Variants in CPVL observed in about 807,000 individuals in gnomAD.
CPVL encodes the protein probable serine carboxypeptidase CPVL.
In CPVL, 51 loss-of-function variants were observed where a neutral mutation model predicts 63.7. The ratio of observed to expected loss-of-function variants is 0.80; its 90% CI spans 0.64 to 1.01. CPVL has a LOEUF of 1.01. CPVL is among the 50% of genes least tolerant of loss of function. The probability of loss-of-function intolerance (pLI) is 0.00; values close to 1 mark genes in which losing one functional copy is unlikely to be tolerated. For synonymous variants in CPVL, 195 were observed against 206.0 expected (o/e 0.95, Z 0.46); for missense variants, 530 against 573.1 (o/e 0.92, Z 0.77).
chr7:29,003,753 G>A (rs1784899694), intron 12 of CPVL, among the ~76,000 whole-genome samples: 1 of 152,172 alleles, frequency 6.6e-6, no homozygotes, highest in Non-Finnish European at 1.5e-5. Context: ...ACAGTGTTGG[G>A]GAGTGGGGGA....
intron 5 of CPVL, among the ~76,000 whole-genome samples, chr7:29,158,356 A>G (rs1445067254): frequency 1.3e-5 from 2 of 152,220 alleles, no homozygotes; most frequent in Admixed American, 6.5e-5. Flanking sequence ...TGTAGAGCAG[A>G]TTAAATCAGA....
At chr7:29,156,991 A>G (rs1301099900) in intron 5 of CPVL, among the ~76,000 whole-genome samples, 6 of 152,164 alleles carry the variant, frequency 3.9e-5, no homozygotes, top group Admixed American at 2.6e-4. Flanking sequence ...TCTTTTTCAC[A>G]CATTGGTCCA....
chr7:29,183,533 C>T (rs1798331384), intron 4 of CPVL, among the ~76,000 whole-genome samples: 1 of 151,308 alleles, frequency 6.6e-6, no homozygotes, highest in Non-Finnish European at 1.5e-5. Flanking sequence ...TGTGCCACCA[C>T]ACCTGGCTAA....
At chr7:29,136,796 C>T (rs1177225895) in intron 1 of CPVL, among the ~76,000 whole-genome samples, 1 of 152,116 alleles carries the variant, frequency 6.6e-6, no homozygotes, top group Non-Finnish European at 1.5e-5. Context: ...TAAACTTGTC[C>T]TTACTTCCCT....
At chr7:29,101,777 C>G (rs1018380929) in intron 3 of CPVL, among the ~76,000 whole-genome samples, 4 of 151,748 alleles carry the variant, frequency 2.6e-5, no homozygotes, top group Non-Finnish European at 5.9e-5. Context: ...CCAGATTTTT[C>G]TCTATGGTCC....
intron 1 of CPVL, among the ~76,000 whole-genome samples, chr7:29,129,636 T>A (rs904792090): frequency 6.6e-6 from 1 of 152,048 alleles, no homozygotes; most frequent in Non-Finnish European, 1.5e-5. Flanking sequence ...TCCTGGCTAA[T>A]TTTTTGCATT....
intron 12 of CPVL, among the ~76,000 whole-genome samples, chr7:29,001,809 A>G (rs1157097664): frequency 6.6e-6 from 1 of 152,202 alleles, no homozygotes; most frequent in African/African-American, 2.4e-5. Flanking sequence ...CCTTTACAAC[A>G]TCCCCAAGGG....
At chr7:29,046,803 G>A (rs556878493) in intron 11 of CPVL, among the ~76,000 whole-genome samples, 2 of 152,270 alleles carry the variant, frequency 1.3e-5, no homozygotes, top group South Asian at 4.1e-4. Context: ...CCTGGAGACT[G>A]TGGGTTGCAT....
chr7:29,163,057 C>T (rs986700348), intron 5 of CPVL, among the ~76,000 whole-genome samples: 5 of 152,106 alleles, frequency 3.3e-5, no homozygotes, highest in Admixed American at 1.3e-4. Flanking sequence ...TTATGTAAAA[C>T]GTTACCATGG....
chr7:29,173,384 G>A (rs1035939575), intron 5 of CPVL, among the ~76,000 whole-genome samples: 1 of 151,964 alleles, frequency 6.6e-6, no homozygotes, highest in South Asian at 2.1e-4. Context: ...AGTGAAAGGT[G>A]GTGCTATTAA....
chr7:29,118,752 G>A (rs570819921), intron 2 of CPVL, among the ~76,000 whole-genome samples: 1 of 152,262 alleles, frequency 6.6e-6, no homozygotes, highest in African/African-American at 2.4e-5. Flanking sequence ...AGAGTATTTA[G>A]ATTTGCTTTT....
chr7:29,080,714 C>T (rs1367180948), intron 7 of CPVL, among the ~76,000 whole-genome samples: 1 of 152,134 alleles, frequency 6.6e-6, no homozygotes, highest in Non-Finnish European at 1.5e-5. Context: ...CTCTCGCATA[C>T]TGGGAGCTTG....
intron 1 of CPVL, among the ~76,000 whole-genome samples, chr7:29,132,439 C>T (rs536565512): frequency 2.6e-5 from 4 of 152,248 alleles, no homozygotes; most frequent in East Asian, 1.9e-4. Context: ...TTCTTCCCTC[C>T]GTAGGGGTAG....
intron 5 of CPVL, among the ~76,000 whole-genome samples, chr7:29,162,114 T>C (rs191606988): frequency 8.6e-4 from 131 of 152,304 alleles, no homozygotes; most frequent in Non-Finnish European, 1.8e-3. Context: ...CATCTGGCAG[T>C]TTCTTAAAAA....
intron 1 of CPVL, among the ~76,000 whole-genome samples, chr7:29,144,733 A>C (rs1792271591): frequency 6.6e-6 from 1 of 152,160 alleles, no homozygotes; most frequent in Non-Finnish European, 1.5e-5. Context: ...GATGCTTCCC[A>C]AAACAAAAAC....
chr7:29,112,824 T>C lies in CPVL; in HGVS notation c.170-2A>G, dbSNP rs776168055. 1.2e-6 allele frequency: 2 copies of C among 1,601,204 alleles called. No individual in the cohort carries two copies. Among genetic ancestry groups the C allele is most frequent in the African/African-American group, 1.4e-5 (1 of 73,222 alleles). On this transcript the variant is annotated splice_acceptor_variant, in intron 2 of 12. Transcript: ENST00000265394. LOFTEE classifies it high-confidence loss of function. The stretch of plus-strand genomic sequence containing the variant: ...GGCCGACCAAACTCAATTCTCTTCC[T>C]AGTGGGGGAAAAAAAATTTACCCAA...
chr7:29,013,836 A>G (rs1786107339), intron 12 of CPVL, among the ~76,000 whole-genome samples: 1 of 152,164 alleles, frequency 6.6e-6, no homozygotes, highest in Admixed American at 6.5e-5. Context: ...CAAGATGATG[A>G]CCTTCCTGGG....
At chr7:29,035,439 AT>A (rs1403907362) in intron 11 of CPVL, among the ~76,000 whole-genome samples, 1 of 152,234 alleles carries the variant, frequency 6.6e-6, no homozygotes, top group Admixed American at 6.5e-5. Flanking sequence ...AGTTAGTTGC[AT>A]ATGAGACACA....
chr7:29,085,430 T>C (rs1187704547), intron 7 of CPVL, among the ~76,000 whole-genome samples: 1 of 152,250 alleles, frequency 6.6e-6, no homozygotes, highest in Non-Finnish European at 1.5e-5. Context: ...TCCACAGTAC[T>C]ATTTTTAAAT....
Sources: allele counts gnomAD v4.1 joint callset (sites outside exome capture counted in the v4.1 genomes callset), GRCh38; gene constraint gnomAD v4.1.1; transcripts MANE v1.5; gene names NCBI Gene and HGNC (gene_info 2026-07-23, HGNC 2026-07-21).